The following SAP130 variants were observed in gnomAD, a reference collection of about 807,000 sequenced individuals.
The protein encoded by SAP130 is Sin3A associated protein 130.
A neutral mutation model predicts 103.2 loss-of-function variants in SAP130; 16 were observed. The observed-to-expected ratio is 0.16, with a 90% CI of 0.10 to 0.24. The LOEUF (loss-of-function observed/expected upper bound fraction) is 0.24, where lower values mean the gene tolerates loss of function less well. SAP130 is among the 10% of genes least tolerant of loss of function. The pLI, the probability that SAP130 is intolerant of heterozygous loss-of-function variation, is 1.00. For synonymous variants in SAP130, 477 were observed against 497.0 expected, an observed-to-expected ratio of 0.96 and a Z score of 0.53; for missense variants, 990 against 1,359.7, an observed-to-expected ratio of 0.73 and a Z score of 4.28.
At chr2:128,008,739 G>A (rs1573817616) in intron 7 of SAP130, among the ~76,000 whole-genome samples, 1 of 151,326 alleles carries the variant, frequency 6.6e-6, no homozygotes, top group African/African-American at 2.4e-5. Context: ...CAGCTGGAAT[G>A]CAGTGACATG....
chr2:128,025,746 G>C (rs1685458377), intron 2 of SAP130, among the ~76,000 whole-genome samples: 1 of 152,058 alleles, frequency 6.6e-6, no homozygotes, highest in Non-Finnish European at 1.5e-5. Flanking sequence ...ATGGATTTTG[G>C]TATCTAAGGT....
At chr2:127,968,422 T>G (rs1186372575) in intron 15 of SAP130, among the ~76,000 whole-genome samples, 2 of 150,630 alleles carry the variant, frequency 1.3e-5, no homozygotes, top group East Asian at 2.0e-4. Flanking sequence ...TGGTTTTTTT[T>G]TTTTTTTTTT....
At chr2:128,017,599 C>T in intron 3 of SAP130, 81 bp downstream of exon 3, 1 of 1,246,022 alleles carries the variant, frequency 8.0e-7, no homozygotes, top group South Asian at 1.3e-5. Flanking sequence ...AAGATACAGC[C>T]TAAGATTTTA....
intron 2 of SAP130, among the ~76,000 whole-genome samples, chr2:128,020,250 T>A (rs1685060231): frequency 2.0e-5 from 3 of 152,168 alleles, no homozygotes; most frequent in Admixed American, 2.0e-4. Flanking sequence ...TAAACCTGAG[T>A]AAATAGCACC....
chr2:127,997,719 T>C (rs1683269090), intron 10 of SAP130, among the ~76,000 whole-genome samples: 1 of 152,092 alleles, frequency 6.6e-6, no homozygotes, highest in South Asian at 2.1e-4. Context: ...ATGCTTCCAG[T>C]AGGAATGAAG....
At chr2:127,994,033 C>A (rs905325600) in intron 11 of SAP130, among the ~76,000 whole-genome samples, 4 of 152,082 alleles carry the variant, frequency 2.6e-5, no homozygotes, top group Admixed American at 2.0e-4. Context: ...AAAAAACCTA[C>A]ATAAAATTGA....
In SAP130 at chr2:127,947,860, T is replaced by C. The variant is rs193291477; in HGVS notation, c.2797+2009A>G. Among the ~76,000 whole-genome samples the C allele has an allele frequency of 4.5e-3, 690 of 151,710 alleles. 6 individuals carry two copies. Among genetic ancestry groups the C allele is most frequent in the African/African-American group, 0.016 (648 of 41,402 alleles). ...GAAGAGCAGTAGCATGATCTCGGCT[T>C]ACTGCAAACCTCCACTTCCCGGGGA... On this transcript the variant is annotated intron_variant, in intron 18 of 20. Coordinates refer to ENST00000643581, the MANE Select transcript of SAP130 (RefSeq NM_001330301.2).
rs1282881773 is a variant in SAP130 at position 127,955,442 on chromosome 2, C to T, written c.2064-98G>A. The T allele has an allele frequency of 1.1e-5, 8 of 759,308 alleles. No homozygotes were observed. In the Admixed American group the frequency reaches 1.6e-4, roughly 15 times the overall value. 47.0% of individuals were successfully genotyped at this position (759,308 alleles called of 1,614,324 possible). Reference sequence around the variant, plus strand: ...GAGTATTTGTCCAATTATTTCTGTCCAGCACACTGCACAATTTATACTCTA... The same window carrying T: ...GAGTATTTGTCCAATTATTTCTGTCTAGCACACTGCACAATTTATACTCTA... On this transcript the variant is annotated intron_variant, in intron 15 of 20. Coordinates refer to ENST00000643581, the MANE Select transcript of SAP130 (RefSeq NM_001330301.2). This position sits in a 1 kb window ranked among gnomAD's most constrained non-coding sequence, Gnocchi z 4.9.
intron 14 of SAP130, among the ~76,000 whole-genome samples, chr2:127,985,950 C>A (rs1342018464): frequency 1.3e-5 from 2 of 152,104 alleles, no homozygotes; most frequent in South Asian, 2.1e-4. Context: ...TGCCAGCAGG[C>A]CCCCGACCAG....
chr2:127,956,647 A>C (rs2438015), intron 15 of SAP130, among the ~76,000 whole-genome samples: 1 of 144,780 alleles, frequency 6.9e-6, no homozygotes, highest in Non-Finnish European at 1.5e-5. Context: ...GCGCATGTAG[A>C]CATATGTAAC....
At chr2:128,014,624 G>A (rs953578582) in intron 5 of SAP130, among the ~76,000 whole-genome samples, 179 bp downstream of exon 5, 11 of 151,998 alleles carry the variant, frequency 7.2e-5, no homozygotes, top group East Asian at 1.9e-4. Context: ...GACATGAACC[G>A]CAGCACCTGG....
intron 7 of SAP130, among the ~76,000 whole-genome samples, chr2:128,007,186 C>T (rs552051854): frequency 6.6e-6 from 1 of 152,318 alleles, no homozygotes; most frequent in South Asian, 2.1e-4. Flanking sequence ...TTCAACCAAG[C>T]ATGGATTGAA....
In SAP130 at chr2:127,945,568, A is replaced by G; in HGVS notation, c.2798-9T>C. The G allele has an allele frequency of 1.3e-6, 2 of 1,497,750 alleles. No homozygotes were observed. The highest frequency in any genetic ancestry group is 2.3e-5 in the South Asian group (2 of 88,828). The allele number at this position is 1,497,750 out of a possible 1,614,324, so 92.8% of individuals were successfully genotyped here. A position where few individuals can be genotyped will look rare whatever the true frequency, so the allele number is the denominator to read the frequency against. On this transcript the variant is annotated splice_polypyrimidine_tract_variant and intron_variant, in intron 18 of 20. Coordinates refer to ENST00000643581, the MANE Select transcript of SAP130 (RefSeq NM_001330301.2). ...CATAGCTTTCTTCTCCTCTGGAACCATAAAAAATAAAAATACATGTATTTC... is the reference window on the plus strand; with the variant it reads ...CATAGCTTTCTTCTCCTCTGGAACCGTAAAAAATAAAAATACATGTATTTC...
At position 127,989,226 on chromosome 2, in the gene SAP130, G is replaced by A. The variant is rs1682612106; in HGVS notation, c.1780+338C>T. Among the ~76,000 whole-genome samples, 2 of 151,602 alleles carry A rather than the reference G, an allele frequency of 1.3e-5. No homozygotes were observed. The highest frequency in any genetic ancestry group is 4.2e-4 in the South Asian group (2 of 4,798). ...CCATTCTCTCGCCTCAGCCTCCCGA[G>A]TAGCTAGGACTACAGGCCCCCGCCA... On this transcript the variant is annotated intron_variant, in intron 13 of 20. Coordinates refer to ENST00000643581, the MANE Select transcript of SAP130 (RefSeq NM_001330301.2). The surrounding 1 kb of genome is among the most constrained non-coding windows in gnomAD (Gnocchi z 4.6).
chr2:128,014,106 A>G (rs1041063295), intron 5 of SAP130, among the ~76,000 whole-genome samples: 1 of 152,256 alleles, frequency 6.6e-6, no homozygotes, highest in Non-Finnish European at 1.5e-5. Flanking sequence ...GGACAATTTT[A>G]GACCATATTA....
intron 1 of SAP130, among the ~76,000 whole-genome samples, chr2:128,026,685 A>C (rs1255886047): frequency 6.6e-6 from 1 of 152,272 alleles, no homozygotes; most frequent in Non-Finnish European, 1.5e-5. Context: ...ACCAAGGTGA[A>C]CAGAACTGTG....
chr2:128,006,636 A>G (rs1683991755), intron 7 of SAP130, among the ~76,000 whole-genome samples: 1 of 152,092 alleles, frequency 6.6e-6, no homozygotes, highest in African/African-American at 2.4e-5. Flanking sequence ...TTAGCCAGGC[A>G]TGGTGCATGG....
chr2:127,951,058 A>G (rs1344330403), intron 16 of SAP130, among the ~76,000 whole-genome samples: 2 of 152,238 alleles, frequency 1.3e-5, no homozygotes, highest in African/African-American at 4.8e-5. Context: ...CGTAAAAATC[A>G]TCTGAATAAG....
intron 15 of SAP130, among the ~76,000 whole-genome samples, chr2:127,970,406 T>A (rs745492287): frequency 1.3e-5 from 2 of 151,202 alleles, no homozygotes; most frequent in Non-Finnish European, 2.9e-5. Context: ...CTGGGCATGG[T>A]GATGCGTGCC....
Sources: allele counts gnomAD v4.1 joint callset (sites outside exome capture counted in the v4.1 genomes callset), GRCh38; gene constraint gnomAD v4.1.1; non-coding constraint Gnocchi (gnomAD v3.1); transcripts MANE v1.5; gene names NCBI Gene and HGNC (gene_info 2026-07-23, HGNC 2026-07-21).